TAB2: variants seen among roughly 807,000 people sequenced by gnomAD.
TAB2 encodes the protein TGF-beta activated kinase 1 (MAP3K7) binding protein 2, also known as TGF-beta-activated kinase 1 and MAP3K7-binding protein 2.
TAB2 carries 3 observed loss-of-function variants against 65.0 expected under a neutral mutation model. The observed-to-expected ratio is 0.05, with a 90% CI of 0.02 to 0.12. The LOEUF (loss-of-function observed/expected upper bound fraction) is 0.12. TAB2 is among the 10% of genes least tolerant of loss of function. The pLI, the probability that TAB2 is intolerant of heterozygous loss-of-function variation, is 1.00. For synonymous variants in TAB2, 298 were observed against 285.1 expected, an observed-to-expected ratio of 1.05 and a Z score of -0.46; for missense variants, 623 against 840.3, an observed-to-expected ratio of 0.74 and a Z score of 3.20.
chr6:149,398,120 T>G lies in TAB2; in HGVS notation c.1858+58T>G. On this transcript the variant is annotated intron_variant, in intron 5 of 6. Coordinates refer to ENST00000637181, the MANE Select transcript of TAB2 (RefSeq NM_001292034.3). ...TCGTATTTAATTCACCAGCAGTTTT[T>G]CTGTGGCTAAAAACAGACTTATCAA... The G allele has an allele frequency of 2.8e-6, 4 of 1,432,332 alleles. No individual in the cohort carries two copies. In the South Asian group the frequency reaches 4.7e-5, roughly 17 times the overall value. The allele number at this position is 1,432,332 out of a possible 1,614,324, so 88.7% of individuals were successfully genotyped here.
chr6:149,281,571 A>C (rs1778575415), intron 1 of TAB2, among the ~76,000 whole-genome samples: 1 of 150,594 alleles, frequency 6.6e-6, no homozygotes, highest in Non-Finnish European at 1.5e-5. Context: ...AAAAAAAAAA[A>C]AAAAAAAAAA....
At chr6:149,304,331 G>C (rs1287345435) in intron 1 of TAB2, 1 of 153,128 alleles carries the variant, frequency 6.5e-6, no homozygotes, top group Admixed American at 6.5e-5. Context: ...TATTTTTAAA[G>C]ATGCTTTTCA....
At chr6:149,254,035 G>GAA (rs1186901833) in intron 1 of TAB2, among the ~76,000 whole-genome samples, 3 of 142,124 alleles carry the variant, frequency 2.1e-5, no homozygotes, top group African/African-American at 7.9e-5. Flanking sequence ...AAGAAAGAAA[G>GAA]AGAGAAAGAA....
At chr6:149,369,504 G>A (rs929288835) in intron 1 of TAB2, among the ~76,000 whole-genome samples, 4 of 152,192 alleles carry the variant, frequency 2.6e-5, no homozygotes, top group Middle Eastern at 6.8e-3. Context: ...TAGACAAAAC[G>A]GAGTCATTTG....
chr6:149,380,637 A>G (rs1197515112), intron 3 of TAB2, among the ~76,000 whole-genome samples: 1 of 152,188 alleles, frequency 6.6e-6, no homozygotes, highest in Non-Finnish European at 1.5e-5. Flanking sequence ...TTGAATATTT[A>G]TGCCAGTTTG....
intron 1 of TAB2, among the ~76,000 whole-genome samples, chr6:149,305,032 A>G (rs749988745): frequency 5.3e-5 from 8 of 152,122 alleles, no homozygotes; most frequent in Non-Finnish European, 1.0e-4. Context: ...TTTTACTTGT[A>G]TTAGTTTTTA....
In TAB2 at chr6:149,409,707, A is replaced by C. The variant is rs1320749202; in HGVS notation, c.2070A>C (p.Pro690=). ...TTCGCTGTGAACAGTGTGAGATGCC[A>C]AGGCATTTCTGAGCCAAATGGCCCT... ...ALIRCEQCEM[P]RHF The change falls in exon 7 of 7, where the codon CCA becomes CCC. Residue 690 remains proline, a synonymous_variant. Coordinates refer to ENST00000637181, the MANE Select transcript of TAB2 (RefSeq NM_001292034.3). The C allele has an allele frequency of 6.2e-7, 1 of 1,614,158 alleles. No homozygotes were observed. The highest frequency in any genetic ancestry group is 1.1e-5 in the South Asian group (1 of 91,082).
intron 1 of TAB2, chr6:149,230,187 A>G (rs1777374589): frequency 6.6e-6 from 1 of 152,224 alleles, no homozygotes; most frequent in Admixed American, 6.5e-5. Context: ...ATTTATTGCA[A>G]TTATGAGTAC....
At chr6:149,355,464 G>C (rs11155644) in intron 1 of TAB2, among the ~76,000 whole-genome samples, 56,668 of 151,722 alleles carry the variant, frequency 0.37, 13,059 homozygotes, top group Middle Eastern at 0.57. Flanking sequence ...TCAGGAGTTC[G>C]AGACCAGCCT....
chr6:149,388,134 A>G (rs1362229152), intron 3 of TAB2, among the ~76,000 whole-genome samples: 2 of 152,152 alleles, frequency 1.3e-5, no homozygotes, highest in Admixed American at 6.5e-5. Context: ...AACAACTAAG[A>G]TTTATTTCTA....
At chr6:149,369,543 T>C (rs1004794295) in intron 1 of TAB2, among the ~76,000 whole-genome samples, 10 of 152,182 alleles carry the variant, frequency 6.6e-5, no homozygotes, top group African/African-American at 2.4e-4. Flanking sequence ...GTATCCAAAC[T>C]TTAAGAATTT....
intron 1 of TAB2, among the ~76,000 whole-genome samples, chr6:149,259,085 T>G (rs1778099740): frequency 6.6e-6 from 1 of 152,148 alleles, no homozygotes; most frequent in African/African-American, 2.4e-5. Context: ...TGATTTTAGC[T>G]CAGTGAGAGC....
rs1241553215 is a variant in TAB2, at chr6:149,410,517, A to G, written c.*798A>G. The G allele has an allele frequency of 1.3e-5, 2 of 152,634 alleles. No homozygotes were observed. Among genetic ancestry groups the G allele is most frequent in the Non-Finnish European group, 2.9e-5 (2 of 68,052 alleles). 9.5% of individuals were successfully genotyped at this position (152,634 alleles called of 1,614,324 possible). ...CCTTTTTAAGCCTTACCTGAGAGGAACAATGCCTTAAAATAAAAAAGCATT... is the reference window on the plus strand; with the variant it reads ...CCTTTTTAAGCCTTACCTGAGAGGAGCAATGCCTTAAAATAAAAAAGCATT... On this transcript the variant is annotated 3_prime_UTR_variant, in exon 7 of 7. Coordinates refer to ENST00000637181, the MANE Select transcript of TAB2 (RefSeq NM_001292034.3).
At chr6:149,359,403 C>T (rs889031980) in intron 1 of TAB2, among the ~76,000 whole-genome samples, 3 of 152,122 alleles carry the variant, frequency 2.0e-5, no homozygotes, top group South Asian at 2.1e-4. Flanking sequence ...GTGCATGGTG[C>T]GGGCTCGTGT....
chr6:149,379,170 T>A lies in TAB2; in HGVS notation c.1255T>A (p.Ser419Thr). ...ISTNSGASAASRNMSGQVSMG... is the reference protein window; with the variant it reads ...ISTNSGASAATRNMSGQVSMG... ...CACAAACTCTGGAGCATCTGCTGCC[T>A]CCAGGAACATGTCTGGGCAAGTGAG... Residue 419 changes from serine (S) to threonine (T), a missense_variant, in exon 3 of 7, where the codon TCC becomes ACC. Coordinates refer to ENST00000637181, the MANE Select transcript of TAB2 (RefSeq NM_001292034.3). 6.2e-7 allele frequency: 1 copy of A among 1,614,202 alleles called. No individual in the cohort carries two copies. The highest frequency in any genetic ancestry group is 8.5e-7 in the Non-Finnish European group (1 of 1,180,030).
intron 1 of TAB2, among the ~76,000 whole-genome samples, chr6:149,324,082 G>T (rs867194886): frequency 6.6e-5 from 10 of 152,140 alleles, no homozygotes; most frequent in African/African-American, 9.6e-5. Context: ...TAATTGCCTT[G>T]TTAAAAGAAA....
chr6:149,227,284 C>A (rs1413607814), intron 1 of TAB2, among the ~76,000 whole-genome samples: 2 of 152,130 alleles, frequency 1.3e-5, no homozygotes, highest in Non-Finnish European at 2.9e-5. Context: ...TAATTACAAT[C>A]TTCTCTTTGC....
At position 149,403,339 on chromosome 6, in the gene TAB2, T is replaced by C. The variant is rs13202478; in HGVS notation, c.1939+4155T>C. The stretch of plus-strand genomic sequence containing the variant: ...ACACACACATATATATACATATATA[T>C]ACACACACACACACACACACACACA... On this transcript the variant is annotated intron_variant, in intron 6 of 6. Transcript: ENST00000637181. Among the ~76,000 whole-genome samples, 103 of 105,784 alleles carry C rather than the reference T, an allele frequency of 9.7e-4. 1 individual carries two copies. Among genetic ancestry groups the C allele is most frequent in the East Asian group, 4.7e-3 (13 of 2,772 alleles). The allele number at this position is 105,784 out of a possible 152,430, so 69.4% of individuals were successfully genotyped here. A position where few individuals can be genotyped will look rare whatever the true frequency, so the allele number is the denominator to read the frequency against.
At chr6:149,320,259 T>C (rs1473702376) in intron 1 of TAB2, among the ~76,000 whole-genome samples, 1 of 152,126 alleles carries the variant, frequency 6.6e-6, no homozygotes, top group Non-Finnish European at 1.5e-5. Context: ...GTACTTTTAG[T>C]AGAGATGGAG....
Sources: allele counts gnomAD v4.1 joint callset (sites outside exome capture counted in the v4.1 genomes callset), GRCh38; gene constraint gnomAD v4.1.1; transcripts MANE v1.5; gene names NCBI Gene and HGNC (gene_info 2026-07-23, HGNC 2026-07-21).